ELMO1: variants seen among roughly 807,000 people sequenced by gnomAD.
ELMO1 encodes the protein engulfment and cell motility protein 1.
ELMO1 carries 26 observed loss-of-function variants against 98.9 expected under a neutral mutation model. The observed-to-expected ratio is 0.26, with a 90% CI of 0.19 to 0.36. The LOEUF (loss-of-function observed/expected upper bound fraction) is 0.36. ELMO1 is among the 10% of genes least tolerant of loss of function. ELMO1 has a pLI of 1.00. For synonymous variants in ELMO1, 346 were observed against 346.0 expected (o/e 1.00, Z 0.00); for missense variants, 627 against 935.2 (o/e 0.67, Z 4.30).
chr7:37,201,005 A>G (rs1792263846), intron 13 of ELMO1, among the ~76,000 whole-genome samples: 1 of 152,128 alleles, frequency 6.6e-6, no homozygotes, highest in Admixed American at 6.5e-5. Context: ...GAGTGAGGAA[A>G]GAAAAGTTAG....
chr7:37,083,128 A>G (rs779306134), intron 15 of ELMO1, among the ~76,000 whole-genome samples: 17 of 152,178 alleles, frequency 1.1e-4, no homozygotes, highest in Non-Finnish European at 1.6e-4. Context: ...TTGGTAGTGG[A>G]GCCAGAACTA....
At chr7:37,195,759 A>G (rs2130238078) in intron 13 of ELMO1, among the ~76,000 whole-genome samples, 1 of 152,374 alleles carries the variant, frequency 6.6e-6, no homozygotes, top group East Asian at 1.9e-4. Context: ...GCTGTACTGC[A>G]GAGGCCTCCC....
intron 1 of ELMO1, among the ~76,000 whole-genome samples, chr7:37,403,647 C>G (rs779696727): frequency 5.3e-5 from 8 of 152,156 alleles, no homozygotes; most frequent in Non-Finnish European, 1.0e-4. Flanking sequence ...TGGCCTCAAG[C>G]AATCCTCACA....
chr7:36,913,386 A>C (rs1784468771), intron 16 of ELMO1, among the ~76,000 whole-genome samples: 1 of 152,220 alleles, frequency 6.6e-6, no homozygotes, highest in Non-Finnish European at 1.5e-5. Context: ...AGGAAATTAC[A>C]TAGAGCTTGT....
chr7:36,952,231 A>T (rs988830567), intron 16 of ELMO1, among the ~76,000 whole-genome samples: 4 of 152,200 alleles, frequency 2.6e-5, no homozygotes, highest in Non-Finnish European at 4.4e-5. Context: ...ATCCAGGCAG[A>T]TTTGAAAGGA....
At chr7:37,266,388 G>C (rs553539803) in intron 5 of ELMO1, among the ~76,000 whole-genome samples, 4 of 152,156 alleles carry the variant, frequency 2.6e-5, no homozygotes, top group African/African-American at 9.6e-5. Flanking sequence ...ATGATGACAG[G>C]CCCTCTGACC....
chr7:36,898,314 A>G (rs1806195237), intron 16 of ELMO1, among the ~76,000 whole-genome samples: 1 of 152,248 alleles, frequency 6.6e-6, no homozygotes, highest in Non-Finnish European at 1.5e-5. Context: ...CGGAGACATC[A>G]GAAAATCAAT....
In ELMO1 at chr7:37,192,458, G is replaced by C. The variant is rs1470546616; in HGVS notation, c.1086+18928C>G. Among the ~76,000 whole-genome samples the C allele has an allele frequency of 6.8e-5, 9 of 132,834 alleles. No homozygotes were observed. In the Admixed American group the frequency reaches 7.8e-4, roughly 11 times the overall value. The allele number at this position is 132,834 out of a possible 152,430, so 87.1% of individuals were successfully genotyped here. A position where few individuals can be genotyped will look rare whatever the true frequency, so the allele number is the denominator to read the frequency against. ...TGCAGTGAGCCAAGACCGTGCCACT[G>C]AACTCCATCCAGCCTGGCAACAGAG... is the stretch of plus-strand genomic sequence containing the variant. On this transcript the variant is annotated intron_variant, in intron 13 of 21. Coordinates refer to ENST00000310758, the MANE Select transcript of ELMO1 (RefSeq NM_014800.11).
intron 15 of ELMO1, among the ~76,000 whole-genome samples, chr7:37,095,144 A>G (rs1419311954): frequency 6.6e-6 from 1 of 152,190 alleles, no homozygotes; most frequent in East Asian, 1.9e-4. Flanking sequence ...TACCTTGGAC[A>G]CAGAAACACC....
intron 15 of ELMO1, among the ~76,000 whole-genome samples, chr7:37,083,834 G>A (rs1783613203): frequency 6.6e-6 from 1 of 152,186 alleles, no homozygotes; most frequent in Admixed American, 6.5e-5. Flanking sequence ...TGGTGGATAG[G>A]AGCACCTGCT....
chr7:37,134,612 T>C (rs1201977664), intron 13 of ELMO1, among the ~76,000 whole-genome samples: 2 of 151,600 alleles, frequency 1.3e-5, no homozygotes, highest in Non-Finnish European at 2.9e-5. Context: ...TCTGCACTCG[T>C]ATGTTTATTG....
intron 1 of ELMO1, among the ~76,000 whole-genome samples, chr7:37,345,627 A>G (rs1460603846): frequency 1.3e-5 from 2 of 151,698 alleles, no homozygotes; most frequent in Non-Finnish European, 2.9e-5. Context: ...GAATCATTTG[A>G]ACCCGGGAGG....
intron 16 of ELMO1, among the ~76,000 whole-genome samples, chr7:36,901,566 C>T (rs1806508074): frequency 6.6e-6 from 1 of 152,164 alleles, no homozygotes; most frequent in Admixed American, 6.5e-5. Context: ...CAGTAGCTTG[C>T]CAATGCCTAG....
At chr7:37,017,055 T>C (rs1347716140) in intron 15 of ELMO1, among the ~76,000 whole-genome samples, 1 of 152,222 alleles carries the variant, frequency 6.6e-6, no homozygotes, top group Non-Finnish European at 1.5e-5. Context: ...GATGTATATT[T>C]ACTGTGTAAG....
chr7:37,121,632 G>A (rs537794416), intron 14 of ELMO1, among the ~76,000 whole-genome samples: 1 of 152,336 alleles, frequency 6.6e-6, no homozygotes, highest in South Asian at 2.1e-4. Flanking sequence ...TATGTGAAAA[G>A]ACCAAATCTA....
At chr7:37,132,906 C>T (rs1484360868) in intron 14 of ELMO1, 4 of 345,546 alleles carry the variant, frequency 1.2e-5, no homozygotes, top group Non-Finnish European at 1.6e-5. Context: ...TAGTATCTAC[C>T]GTATTTTTTA....
At position 37,351,940 on chromosome 7, in the gene ELMO1, G is replaced by A. The variant is rs574497603; in HGVS notation, c.-73-9177C>T. Reference sequence around the variant, plus strand: ...CTGTGGGACTGCTATCAGAAGTCACGCATGGATTGCAAGAGTTAGTCTCAC... The same window carrying A: ...CTGTGGGACTGCTATCAGAAGTCACACATGGATTGCAAGAGTTAGTCTCAC... On this transcript the variant is annotated intron_variant, in intron 1 of 21. Transcript: ENST00000310758. 1.5e-3 allele frequency among the ~76,000 whole-genome samples: 236 copies of A among 152,276 alleles called. 1 individual carries two copies. The highest frequency in any genetic ancestry group is 6.4e-3 in the South Asian group (31 of 4,830).
At chr7:37,018,451 T>C (rs763473334) in intron 15 of ELMO1, among the ~76,000 whole-genome samples, 8 of 151,838 alleles carry the variant, frequency 5.3e-5, no homozygotes, top group Non-Finnish European at 1.0e-4. Flanking sequence ...ATCAAGCACA[T>C]GGCATAGGCT....
chr7:36,909,364 T>C (rs1784188138), intron 16 of ELMO1, among the ~76,000 whole-genome samples: 1 of 152,190 alleles, frequency 6.6e-6, no homozygotes, highest in South Asian at 2.1e-4. Flanking sequence ...AGGTGAAAAC[T>C]GGGAGCCAGG....
Sources: gnomAD v4.1 joint callset for allele counts (sites outside exome capture counted in the v4.1 genomes callset) on GRCh38, gnomAD v4.1.1 for gene constraint, MANE v1.5 for transcripts, NCBI Gene and HGNC (gene_info 2026-07-23, HGNC 2026-07-21) for gene names.